PTPRM: variants seen among roughly 807,000 people sequenced by gnomAD.
PTPRM encodes receptor-type tyrosine-protein phosphatase mu.
In PTPRM, 47 loss-of-function variants were observed where a neutral mutation model predicts 186.7. That is an observed-to-expected ratio of 0.25 (90% CI 0.20 to 0.32). The LOEUF is 0.32. PTPRM is among the 10% of genes least tolerant of loss of function. PTPRM has a pLI of 1.00. For missense variants in PTPRM, 1,494 were observed against 1,865.0 expected (o/e 0.80, Z 3.66); for synonymous variants, 668 against 674.9 (o/e 0.99, Z 0.16).
chr18:7,578,577 C>T (rs548217977), intron 1 of PTPRM, among the ~76,000 whole-genome samples: 8 of 152,008 alleles, frequency 5.3e-5, no homozygotes, highest in Admixed American at 2.6e-4. Flanking sequence ...CCTCGTGATC[C>T]GCCCACCTTG....
chr18:8,335,804 T>A lies in PTPRM; in HGVS notation c.2957-7619T>A, dbSNP rs886743589. ...TGGGAAGCTGAGGCGGGCAGATCATTTCAGGTCAGGAGCTGGAGACCAGCC... is the reference window on the plus strand; with the variant it reads ...TGGGAAGCTGAGGCGGGCAGATCATATCAGGTCAGGAGCTGGAGACCAGCC... On this transcript the variant is annotated intron_variant, in intron 22 of 32. Coordinates refer to ENST00000580170, the MANE Select transcript of PTPRM (RefSeq NM_001105244.2). Among the ~76,000 whole-genome samples the A allele has an allele frequency of 3.3e-5, 5 of 151,952 alleles. No homozygotes were observed. The East Asian group carries it at 5.8e-4, about 18-fold the overall frequency.
intron 2 of PTPRM, among the ~76,000 whole-genome samples, chr18:7,847,233 C>T (rs923255465): frequency 2.7e-4 from 40 of 149,618 alleles, no homozygotes; most frequent in African/African-American, 9.9e-4. Flanking sequence ...GTGGTGCAGT[C>T]ACAGCACACT....
chr18:7,709,790 T>G (rs1192308353), intron 1 of PTPRM, among the ~76,000 whole-genome samples: 1 of 152,064 alleles, frequency 6.6e-6, no homozygotes, highest in Middle Eastern at 3.2e-3. Flanking sequence ...GTGCACAAAC[T>G]ATAAAATCTA....
At chr18:8,153,560 C>G (rs1447454184) in intron 14 of PTPRM, among the ~76,000 whole-genome samples, 2 of 152,158 alleles carry the variant, frequency 1.3e-5, no homozygotes, top group Non-Finnish European at 2.9e-5. Flanking sequence ...TATTCTCTGT[C>G]AGATGAATTA....
chr18:8,379,016 AGAAAACT>A, intron 27 of PTPRM, 144 bp from the exon 28 acceptor site: 1 of 595,644 alleles, frequency 1.7e-6, no homozygotes, highest in Non-Finnish European at 2.7e-6. Flanking sequence ...AGCAAAAGAA[AGAAAACT>A]CGAACTATGG....
intron 2 of PTPRM, among the ~76,000 whole-genome samples, chr18:7,786,137 G>T (rs1464385117): frequency 6.6e-6 from 1 of 152,132 alleles, no homozygotes; most frequent in African/African-American, 2.4e-5. Context: ...TATTCTAGGA[G>T]ATTGTGATGA....
intron 4 of PTPRM, among the ~76,000 whole-genome samples, chr18:7,921,910 G>T (rs1456615320): frequency 6.6e-6 from 1 of 152,080 alleles, no homozygotes; most frequent in African/African-American, 2.4e-5. Flanking sequence ...AGAAGCTGTG[G>T]TTCCTCATTT....
At chr18:8,128,928 A>G (rs942221710) in intron 13 of PTPRM, among the ~76,000 whole-genome samples, 6 of 152,138 alleles carry the variant, frequency 3.9e-5, no homozygotes, top group African/African-American at 1.2e-4. Context: ...ACAATATTTT[A>G]TACTGTCTTT....
chr18:7,837,943 C>G (rs1380351138), intron 2 of PTPRM, among the ~76,000 whole-genome samples: 1 of 152,040 alleles, frequency 6.6e-6, no homozygotes, highest in East Asian at 1.9e-4. Flanking sequence ...GCAAGGTTTT[C>G]CAGATATTCT....
chr18:7,673,603 A>G (rs920517614), intron 1 of PTPRM, among the ~76,000 whole-genome samples: 1 of 152,232 alleles, frequency 6.6e-6, no homozygotes, highest in Admixed American at 6.5e-5. Context: ...ATTTCTGTGA[A>G]GATGATACAT....
At chr18:8,377,024 G>T (rs2095700727) in intron 26 of PTPRM, 1 of 159,680 alleles carries the variant, frequency 6.3e-6, no homozygotes, top group South Asian at 1.8e-4. Context: ...GAAGCCTCCT[G>T]ACCCTAAAAA....
At chr18:8,019,808 A>G (rs2147948901) in intron 7 of PTPRM, among the ~76,000 whole-genome samples, 1 of 147,778 alleles carries the variant, frequency 6.8e-6, no homozygotes, top group East Asian at 1.9e-4. Context: ...AATATAATAT[A>G]AATAATATTT....
intron 22 of PTPRM, among the ~76,000 whole-genome samples, chr18:8,332,052 G>C (rs2095414789): frequency 6.6e-6 from 1 of 152,152 alleles, no homozygotes; most frequent in Admixed American, 6.5e-5. Flanking sequence ...GAATTACACA[G>C]GGGTGTTTTA....
chr18:8,048,831 A>T (rs1354066162), intron 7 of PTPRM, among the ~76,000 whole-genome samples: 1 of 152,234 alleles, frequency 6.6e-6, no homozygotes, highest in Admixed American at 6.5e-5. Flanking sequence ...CATTTGGGCA[A>T]AACTGAAATT....
rs758464708 is a variant in PTPRM, at chr18:8,247,977, C to T, written c.2527+58C>T. ...CTCTCCTCAGCAGTCAGAATCACTCCGCCCTCTCTCTGCTATCCCTGGTGC... is the reference window on the plus strand; with the variant it reads ...CTCTCCTCAGCAGTCAGAATCACTCTGCCCTCTCTCTGCTATCCCTGGTGC... On this transcript the variant is annotated intron_variant, in intron 16 of 32. Transcript: ENST00000580170. The T allele has an allele frequency of 1.2e-5, 18 of 1,444,866 alleles. No individual in the cohort carries two copies. The East Asian group carries it at 1.4e-4, about 11-fold the overall frequency. The allele number at this position is 1,444,866 out of a possible 1,614,324, so 89.5% of individuals were successfully genotyped here.
intron 14 of PTPRM, among the ~76,000 whole-genome samples, chr18:8,206,890 AGAGACACGG>A (rs1307870102): frequency 1.3e-5 from 2 of 152,132 alleles, no homozygotes; most frequent in Non-Finnish European, 2.9e-5. Flanking sequence ...GAGAATGTGA[AGAGACACGG>A]GGAGAAGGCT....
At chr18:8,308,515 C>G (rs2095243486) in intron 20 of PTPRM, among the ~76,000 whole-genome samples, 1 of 152,106 alleles carries the variant, frequency 6.6e-6, no homozygotes, top group African/African-American at 2.4e-5. Flanking sequence ...TTTATTAAAT[C>G]TAATATGTCC....
At chr18:7,927,025 C>G (rs904896350) in intron 5 of PTPRM, among the ~76,000 whole-genome samples, 3 of 152,162 alleles carry the variant, frequency 2.0e-5, no homozygotes, top group Non-Finnish European at 2.9e-5. Context: ...CTCTCTCTCT[C>G]TCTCTCTTAC....
intron 14 of PTPRM, among the ~76,000 whole-genome samples, chr18:8,174,087 C>G (rs554466525): frequency 6.6e-6 from 1 of 151,550 alleles, no homozygotes; most frequent in East Asian, 1.9e-4. Context: ...AAAGGCCAAT[C>G]TTAGATTTTA....
Sources: gnomAD v4.1 joint callset for allele counts (sites outside exome capture counted in the v4.1 genomes callset) on GRCh38, gnomAD v4.1.1 for gene constraint, MANE v1.5 for transcripts, NCBI Gene and HGNC (gene_info 2026-07-23, HGNC 2026-07-21) for gene names.